Variants in NMRK2 observed in about 807,000 individuals in gnomAD.
NMRK2 encodes nicotinamide riboside kinase 2, also known as NRK 2.
Under a neutral mutation model 24.7 loss-of-function variants are expected in NMRK2, and 34 were observed. The ratio of observed to expected loss-of-function variants is 1.37; its 90% confidence interval spans 1.05 to 1.83. NMRK2 has a LOEUF of 1.83. Among genes scored for constraint, NMRK2 ranks in the 40% most tolerant of loss-of-function variants. The pLI is 0.00. For synonymous variants in NMRK2, 145 were observed against 125.6 expected (o/e 1.15, Z -1.03); for missense variants, 341 against 315.0 (o/e 1.08, Z -0.62).
Position 3,942,333 on chromosome 19 carries a change from G to A in NMRK2, c.*60G>A, listed in dbSNP as rs1310284220. The A allele has an allele frequency of 1.6e-5, 24 of 1,469,280 alleles. No individual in the cohort carries two copies. The highest frequency in any genetic ancestry group is 4.1e-5 in the Admixed American group (2 of 48,788). The allele number at this position is 1,469,280 out of a possible 1,614,324, so 91.0% of individuals were successfully genotyped here. A position where few individuals can be genotyped will look rare whatever the true frequency, so the allele number is the denominator to read the frequency against. ...GTGGAGGCCCCACTCCCAGTTGGGC[G>A]TCCCGGAGCTCAGGGACTGAGCCCC... On this transcript the variant is annotated 3_prime_UTR_variant, in exon 8 of 8. Coordinates refer to ENST00000168977, the MANE Select transcript of NMRK2 (RefSeq NM_170678.3).
At chr19:3,937,163 C>T in intron 3 of NMRK2, 77 bp from the exon 4 acceptor site, 2 of 1,480,470 alleles carry the variant, frequency 1.4e-6, no homozygotes, top group Admixed American at 1.8e-5. Flanking sequence ...CAAGGGACCC[C>T]CTAAGACTCC....
At chr19:3,935,844 T>A (rs2039203572) in intron 2 of NMRK2, among the ~76,000 whole-genome samples, 1 of 151,832 alleles carries the variant, frequency 6.6e-6, no homozygotes, top group Admixed American at 6.6e-5. Flanking sequence ...GTGCTGGGAT[T>A]ACAGGCATGA....
chr19:3,934,527 T>A (rs2039177285), intron 2 of NMRK2, among the ~76,000 whole-genome samples: 1 of 147,676 alleles, frequency 6.8e-6, no homozygotes, highest in South Asian at 2.2e-4. Flanking sequence ...GACTCCCTCT[T>A]GAATTTCATA....
chr19:3,939,476 T>G (rs2039287911), intron 5 of NMRK2, among the ~76,000 whole-genome samples: 1 of 151,864 alleles, frequency 6.6e-6, no homozygotes, highest in Admixed American at 6.6e-5. Flanking sequence ...ATCGCACCAC[T>G]GCACTCCAGC....
intron 3 of NMRK2, 107 bp downstream of exon 3, chr19:3,936,772 C>G: frequency 1.1e-6 from 1 of 890,442 alleles, no homozygotes; most frequent in Non-Finnish European, 1.7e-6. Context: ...GGGCTGGGCA[C>G]TGGCTCCACT....
chr19:3,936,164 T>C (rs1229130922), intron 2 of NMRK2, among the ~76,000 whole-genome samples: 1 of 150,884 alleles, frequency 6.6e-6, no homozygotes, highest in Admixed American at 6.7e-5. Context: ...TGAGCCAAGA[T>C]TGCGCCATTG....
At chr19:3,933,930 C>T (rs1288909189) in intron 2 of NMRK2, among the ~76,000 whole-genome samples, 1 of 146,488 alleles carries the variant, frequency 6.8e-6, no homozygotes, top group East Asian at 2.2e-4. Flanking sequence ...ATGATTCCCG[C>T]CACCTTCCAA....
intron 2 of NMRK2, among the ~76,000 whole-genome samples, chr19:3,936,216 A>G (rs571460758): frequency 6.7e-6 from 1 of 149,804 alleles, no homozygotes; most frequent in South Asian, 2.1e-4. Flanking sequence ...GTCTCGGAAA[A>G]AAAAAAAAGA....
At chr19:3,941,657 T>C (rs927262439) in intron 7 of NMRK2, among the ~76,000 whole-genome samples, 4 of 151,208 alleles carry the variant, frequency 2.6e-5, no homozygotes, top group African/African-American at 9.7e-5. Context: ...TTGTTGTTGT[T>C]GTTTAGACGG....
At chr19:3,941,649 G>T (rs935202389) in intron 7 of NMRK2, among the ~76,000 whole-genome samples, 2 of 116,570 alleles carry the variant, frequency 1.7e-5, no homozygotes, top group Admixed American at 1.6e-4. Flanking sequence ...TGCTATTTTT[G>T]TTGTTGTTGT....
chr19:3,936,935 A>C (rs1555679910), intron 3 of NMRK2, among the ~76,000 whole-genome samples: 2 of 152,142 alleles, frequency 1.3e-5, no homozygotes, highest in Non-Finnish European at 2.9e-5. Context: ...ATGGATGGGA[A>C]AGCCACCATT....
rs1478657931 is a variant in NMRK2 at position 3,936,533 on chromosome 19, G to C, written c.27-42G>C. 6 of 1,454,158 alleles carry C rather than the reference G, an allele frequency of 4.1e-6. No homozygotes were observed. In the South Asian group the frequency reaches 6.4e-5, roughly 16 times the overall value. The allele number at this position is 1,454,158 out of a possible 1,614,324, so 90.1% of individuals were successfully genotyped here. ...CCCTTCTGAGCACCCTGACCTTCTT[G>C]GGGGGAGCCCAGGCAGTCTCATGCA... On this transcript the variant is annotated intron_variant, in intron 2 of 7. Transcript: ENST00000168977.
intron 5 of NMRK2, 64 bp from the exon 6 acceptor site, chr19:3,939,836 A>G (rs1429513678): frequency 8.9e-6 from 13 of 1,455,664 alleles, no homozygotes; most frequent in African/African-American, 2.8e-5. Flanking sequence ...GGGGGGTTGG[A>G]TATTTTGACT....
chr19:3,934,382 G>A (rs999397029), intron 2 of NMRK2, among the ~76,000 whole-genome samples: 4 of 152,134 alleles, frequency 2.6e-5, no homozygotes, highest in Non-Finnish European at 5.9e-5. Flanking sequence ...CATTCCACAT[G>A]ACTGTGCCTT....
intron 2 of NMRK2, among the ~76,000 whole-genome samples, chr19:3,934,565 T>TGGG (rs1354171173): frequency 3.0e-5 from 4 of 132,782 alleles, no homozygotes; most frequent in South Asian, 4.9e-4. Context: ...TTTTTTTTTT[T>TGGG]GGGGGGGGGG....
intron 5 of NMRK2, among the ~76,000 whole-genome samples, chr19:3,938,991 G>A (rs1166400878): frequency 6.6e-6 from 1 of 151,532 alleles, no homozygotes; most frequent in Non-Finnish European, 1.5e-5. Context: ...GGGATTACAG[G>A]CCTGCGCCAT....
chr19:3,933,489 A>G lies in NMRK2; in HGVS notation c.-183A>G. On this transcript the variant is annotated 5_prime_UTR_variant, in exon 2 of 8. Coordinates refer to ENST00000168977, the MANE Select transcript of NMRK2 (RefSeq NM_170678.3). ...GCTATTTCCATTCGGCGGCGGGAAC[A>G]GGTGCCGGCGCCTCCGCCCCATCCC... is the stretch of plus-strand genomic sequence containing the variant. 1.8e-6 allele frequency: 1 copy of G among 567,508 alleles called. No homozygotes were observed. The highest frequency in any genetic ancestry group is 3.0e-6 in the Non-Finnish European group (1 of 335,332). 35.2% of individuals were successfully genotyped at this position (567,508 alleles called of 1,614,324 possible). A position where few individuals can be genotyped will look rare whatever the true frequency, so the allele number is the denominator to read the frequency against.
chr19:3,934,512 A>C (rs555151215), intron 2 of NMRK2, among the ~76,000 whole-genome samples: 75 of 149,472 alleles, frequency 5.0e-4, no homozygotes, highest in African/African-American at 1.8e-3. Context: ...GTCTAATGCT[A>C]GCCGGACTCC....
chr19:3,933,724 G>T, intron 2 of NMRK2, 27 bp downstream of exon 2: 1 of 1,407,664 alleles, frequency 7.1e-7, no homozygotes, highest in East Asian at 2.9e-5. Context: ...CTGGTGGGCG[G>T]CCCTGCGGGG....
Sources: gnomAD v4.1 joint callset for allele counts (sites outside exome capture counted in the v4.1 genomes callset) on GRCh38, gnomAD v4.1.1 for gene constraint, MANE v1.5 for transcripts, NCBI Gene and HGNC (gene_info 2026-07-23, HGNC 2026-07-21) for gene names.